Variants in MRLN observed in about 807,000 individuals in gnomAD.
MRLN encodes myoregulin.
At chr10:59,744,504 C>G (rs1462681565) in intron 1 of MRLN, among the ~76,000 whole-genome samples, 1 of 151,274 alleles carries the variant, frequency 6.6e-6, no homozygotes, top group Non-Finnish European at 1.5e-5. Context: ...CAGCCCCCGC[C>G]CGGCTGCCAC....
chr10:59,748,936 A>G (rs2132594836), intron 1 of MRLN, among the ~76,000 whole-genome samples: 1 of 152,350 alleles, frequency 6.6e-6, no homozygotes, highest in Non-Finnish European at 1.5e-5. Flanking sequence ...AGAGAATTTG[A>G]CAAGTGGACT....
Position 59,748,800 on chromosome 10 carries a change from G to A in MRLN, c.-125+4554C>T, listed in dbSNP as rs149760688. Among the ~76,000 whole-genome samples, 688 of 152,304 alleles carry A rather than the reference G, an allele frequency of 4.5e-3. 3 individuals are homozygous for A. Among genetic ancestry groups the A allele is most frequent in the South Asian group, 0.013 (63 of 4,830 alleles). On this transcript the variant is annotated intron_variant, in intron 1 of 2. Transcript: ENST00000414264. Reference sequence around the variant, plus strand: ...ATTCTGCATTTCACCAGTCAGCTACGTGAGGAGAGTCTACCTTCATCACCC... The same window carrying A: ...ATTCTGCATTTCACCAGTCAGCTACATGAGGAGAGTCTACCTTCATCACCC...
At chr10:59,744,501 C>G (rs901514339) in intron 1 of MRLN, among the ~76,000 whole-genome samples, 23 of 149,468 alleles carry the variant, frequency 1.5e-4, no homozygotes, top group African/African-American at 4.9e-4. Context: ...GGGCAGCCCC[C>G]GCCCGGCTGC....
At chr10:59,737,869 T>A (rs1374407741) in intron 2 of MRLN, among the ~76,000 whole-genome samples, 2 of 152,104 alleles carry the variant, frequency 1.3e-5, no homozygotes, top group East Asian at 3.9e-4. Context: ...TTAATCCCTT[T>A]TACAGGGGAT....
intron 1 of MRLN, among the ~76,000 whole-genome samples, chr10:59,750,764 G>A (rs1841094481): frequency 6.6e-6 from 1 of 152,250 alleles, no homozygotes; most frequent in Admixed American, 6.5e-5. Context: ...CCCTGGCTGG[G>A]GATCAGCTGT....
rs549328080 is a variant in MRLN at position 59,752,696 on chromosome 10, G to A, written c.-125+658C>T. Among the ~76,000 whole-genome samples, 6 of 152,334 alleles carry A rather than the reference G, an allele frequency of 3.9e-5. No homozygotes were observed. In the South Asian group the frequency reaches 1.2e-3, roughly 32 times the overall value. On this transcript the variant is annotated intron_variant, in intron 1 of 2. Coordinates refer to ENST00000414264, the MANE Select transcript of MRLN (RefSeq NM_001304731.2). ...TAACCCTGCTCAAGAGAACCAAGCGGGGCATTGGCCTTTCTGGGCTTCAGG... is the reference window on the plus strand; with the variant it reads ...TAACCCTGCTCAAGAGAACCAAGCGAGGCATTGGCCTTTCTGGGCTTCAGG...
intron 1 of MRLN, among the ~76,000 whole-genome samples, chr10:59,744,533 GAGC>G (rs1841022598): frequency 1.3e-5 from 2 of 149,072 alleles, no homozygotes; most frequent in African/African-American, 4.9e-5. Context: ...GGAGGTGGGG[GAGC>G]GCGCCTCTGC....
chr10:59,740,861 G>A (rs1041242607), intron 1 of MRLN, among the ~76,000 whole-genome samples: 4 of 149,530 alleles, frequency 2.7e-5, no homozygotes, highest in African/African-American at 7.4e-5. Flanking sequence ...GCAATGGCGC[G>A]ATCTCAGCAC....
intron 1 of MRLN, among the ~76,000 whole-genome samples, chr10:59,743,725 G>C (rs554992022): frequency 1.3e-5 from 2 of 152,228 alleles, no homozygotes; most frequent in Non-Finnish European, 2.9e-5. Context: ...GCCGAGGCTG[G>C]ACTGTACTGC....
At chr10:59,739,668 A>C (rs1041103674) in intron 1 of MRLN, 1 of 152,242 alleles carries the variant, frequency 6.6e-6, no homozygotes, top group Non-Finnish European at 1.5e-5. Flanking sequence ...TTACAAACAA[A>C]TTAGAAAATG....
intron 1 of MRLN, among the ~76,000 whole-genome samples, chr10:59,740,825 C>A (rs1464610273): frequency 6.8e-6 from 1 of 147,916 alleles, no homozygotes; most frequent in Non-Finnish European, 1.5e-5. Context: ...GAGACAGAGT[C>A]TCTCTCTTAT....
Position 59,742,860 on chromosome 10 carries a change from C to T in MRLN, c.-124-4298G>A, listed in dbSNP as rs143870692. On this transcript the variant is annotated intron_variant, in intron 1 of 2. Coordinates refer to ENST00000414264, the MANE Select transcript of MRLN (RefSeq NM_001304731.2). The stretch of plus-strand genomic sequence containing the variant: ...CCTCCCACCTCAGCCTCATGAGTAG[C>T]TGGGGCCACAGGCACATGCAACCAC... Among the ~76,000 whole-genome samples, 114 of 152,158 alleles carry T rather than the reference C, an allele frequency of 7.5e-4. No individual in the cohort carries two copies. In the Middle Eastern group the frequency reaches 0.01, roughly 14 times the overall value.
chr10:59,740,334 A>G (rs1306744113), intron 1 of MRLN, among the ~76,000 whole-genome samples: 1 of 152,108 alleles, frequency 6.6e-6, no homozygotes, highest in Non-Finnish European at 1.5e-5. Context: ...ACTTTTTATT[A>G]TTTTAGAGTG....
At chr10:59,741,969 G>A (rs1489848081) in intron 1 of MRLN, among the ~76,000 whole-genome samples, 3 of 152,160 alleles carry the variant, frequency 2.0e-5, no homozygotes, top group African/African-American at 7.2e-5. Context: ...CAAACTGCTG[G>A]CCTCAGGTGG....
chr10:59,743,765 C>T (rs1044162236), intron 1 of MRLN, among the ~76,000 whole-genome samples: 2 of 152,286 alleles, frequency 1.3e-5, no homozygotes, highest in Middle Eastern at 3.4e-3. Flanking sequence ...AACCTCCCTG[C>T]CTGATTCTCC....
At chr10:59,752,938 C>G (rs1025633518) in intron 1 of MRLN, among the ~76,000 whole-genome samples, 2 of 152,176 alleles carry the variant, frequency 1.3e-5, no homozygotes, top group Non-Finnish European at 2.9e-5. Flanking sequence ...TACTCCTCCC[C>G]CCAATCCCCT....
At chr10:59,738,008 C>T (rs1440859904) in intron 2 of MRLN, 5 of 151,900 alleles carry the variant, frequency 3.3e-5, no homozygotes. Context: ...ACTATTTTCA[C>T]CCCAAAATAA....
chr10:59,750,496 A>T (rs945717423), intron 1 of MRLN, among the ~76,000 whole-genome samples: 1 of 152,216 alleles, frequency 6.6e-6, no homozygotes, highest in African/African-American at 2.4e-5. Context: ...ACATATGAAC[A>T]AACATGACTT....
intron 1 of MRLN, among the ~76,000 whole-genome samples, chr10:59,744,497 C>A (rs1427872301): frequency 1.3e-5 from 2 of 150,256 alleles, no homozygotes; most frequent in Admixed American, 1.3e-4. Flanking sequence ...TGGGGGGCAG[C>A]CCCCGCCCGG....
Sources: gnomAD v4.1 joint callset for allele counts (sites outside exome capture counted in the v4.1 genomes callset) on GRCh38, gnomAD v4.1.1 for gene constraint, MANE v1.5 for transcripts, NCBI Gene and HGNC (gene_info 2026-07-23, HGNC 2026-07-21) for gene names.